Variants in FGF1 observed in about 807,000 individuals in gnomAD.
FGF1 encodes beta-endothelial cell growth factor.
Under a neutral mutation model 13.4 loss-of-function variants are expected in FGF1, and 9 were observed. The observed-to-expected ratio is 0.67, with a 90% CI of 0.40 to 1.17. The LOEUF (loss-of-function observed/expected upper bound fraction) is 1.17. FGF1 is among the 50% of genes most tolerant of loss of function. FGF1 has a pLI of 0.01. For synonymous variants in FGF1, 93 were observed against 79.0 expected (o/e 1.18, Z -0.94); for missense variants, 156 against 192.7 (o/e 0.81, Z 1.13).
chr5:142,629,877 TTATA>T (rs1554082564), intron 1 of FGF1, among the ~76,000 whole-genome samples: 7 of 137,564 alleles, frequency 5.1e-5, no homozygotes, highest in African/African-American at 1.3e-4. Flanking sequence ...TACATATATA[TTATA>T]TATATATATA....
intron 1 of FGF1, among the ~76,000 whole-genome samples, chr5:142,651,319 C>A (rs1025892284): frequency 6.6e-6 from 1 of 152,098 alleles, no homozygotes; most frequent in Non-Finnish European, 1.5e-5. Flanking sequence ...GGTTGCTTAA[C>A]CTTTTTACCT....
chr5:142,648,807 G>A (rs528199482), intron 1 of FGF1, among the ~76,000 whole-genome samples: 1 of 152,126 alleles, frequency 6.6e-6, no homozygotes, highest in African/African-American at 2.4e-5. Context: ...CAGGGAAAGG[G>A]ACTGAACGGT....
intron 1 of FGF1, among the ~76,000 whole-genome samples, chr5:142,622,443 T>G (rs1211060617): frequency 6.6e-6 from 1 of 152,242 alleles, no homozygotes; most frequent in East Asian, 1.9e-4. Flanking sequence ...AGTCTAAATG[T>G]ATTTTAATTG....
At chr5:142,694,419 C>T (rs560418916) in intron 2 of FGF1, among the ~76,000 whole-genome samples, 1 of 152,216 alleles carries the variant, frequency 6.6e-6, no homozygotes, top group African/African-American at 2.4e-5. Flanking sequence ...AGATATGAAG[C>T]CATATGAATA....
intron 1 of FGF1, among the ~76,000 whole-genome samples, chr5:142,661,216 T>C (rs1170458554): frequency 6.6e-6 from 1 of 152,216 alleles, no homozygotes; most frequent in African/African-American, 2.4e-5. Flanking sequence ...ACAAACATGA[T>C]GCAGATGTTC....
intron 1 of FGF1, among the ~76,000 whole-genome samples, chr5:142,645,448 G>A (rs1279331216): frequency 1.3e-5 from 2 of 152,112 alleles, no homozygotes; most frequent in African/African-American, 2.4e-5. Flanking sequence ...TGAGAACCTG[G>A]GCTTTGGCAT....
Position 142,593,977 on chromosome 5 carries a change from T to G in FGF1, c.*1313A>C, listed in dbSNP as rs1003315301. On this transcript the variant is annotated 3_prime_UTR_variant, in exon 4 of 4. Coordinates refer to ENST00000337706, the MANE Select transcript of FGF1 (RefSeq NM_000800.5). Reference sequence around the variant, plus strand: ...GCTGTTGGTAAGGGTTTAACATTTTTGAAGTATGTTTTTGTATATCTTCGA... The same window carrying G: ...GCTGTTGGTAAGGGTTTAACATTTTGGAAGTATGTTTTTGTATATCTTCGA... 1.3e-5 allele frequency: 2 copies of G among 152,654 alleles called. No homozygotes were observed. Among genetic ancestry groups the G allele is most frequent in the African/African-American group, 4.8e-5 (2 of 41,456 alleles). 9.5% of individuals were successfully genotyped at this position (152,654 alleles called of 1,614,324 possible).
chr5:142,619,235 T>G (rs1192070519), intron 1 of FGF1, among the ~76,000 whole-genome samples: 1 of 152,112 alleles, frequency 6.6e-6, no homozygotes, highest in African/African-American at 2.4e-5. Flanking sequence ...CGCCCAGCCT[T>G]TAGTTTTGTT....
At position 142,637,683 on chromosome 5, in the gene FGF1, C is replaced by A. The variant is rs1298998163; in HGVS notation, c.-34-23522G>T. ...CAGAGCTCCCTCATTGCCTGCCATG[C>A]AGCCTGGGCATCCAGGACTGTCGTC... On this transcript the variant is annotated intron_variant, in intron 1 of 3. Transcript: ENST00000337706. Among the ~76,000 whole-genome samples the A allele has an allele frequency of 3.3e-5, 5 of 152,062 alleles. 1 individual carries two copies. The highest frequency in any genetic ancestry group is 1.3e-4 in the Admixed American group (2 of 15,280).
At chr5:142,618,926 TTTG>T (rs1345639421) in intron 1 of FGF1, among the ~76,000 whole-genome samples, 880 of 86,940 alleles carry the variant, frequency 0.01, 9 homozygotes, top group Middle Eastern at 0.014. Context: ...TTTTAGTTGT[TTTG>T]TTTTTTTTTT....
intron 1 of FGF1, among the ~76,000 whole-genome samples, chr5:142,649,400 G>A (rs188964133): frequency 6.6e-6 from 1 of 150,592 alleles, no homozygotes; most frequent in South Asian, 2.1e-4. Context: ...ATAATCTCTA[G>A]GGGTGGACAT....
chr5:142,671,442 C>T (rs1236144098), intron 1 of FGF1, among the ~76,000 whole-genome samples: 1 of 152,176 alleles, frequency 6.6e-6, no homozygotes, highest in Admixed American at 6.6e-5. Flanking sequence ...GACAGACAAT[C>T]GTAAAACACA....
At chr5:142,617,486 T>C (rs1561566110) in intron 1 of FGF1, among the ~76,000 whole-genome samples, 1 of 152,074 alleles carries the variant, frequency 6.6e-6, no homozygotes, top group Non-Finnish European at 1.5e-5. Context: ...GCCCAGCAGG[T>C]CCTCAGGGGC....
chr5:142,625,629 T>G (rs1762334811), intron 1 of FGF1, among the ~76,000 whole-genome samples: 1 of 152,208 alleles, frequency 6.6e-6, no homozygotes, highest in Non-Finnish European at 1.5e-5. Context: ...CCTGAAGACC[T>G]GCACACATCT....
chr5:142,691,043 G>A (rs897198761), upstream of FGF1, among the ~76,000 whole-genome samples: 4 of 152,120 alleles, frequency 2.6e-5, no homozygotes, highest in Non-Finnish European at 4.4e-5. Context: ...TTCTAAATCA[G>A]CCCCTTATCA....
upstream of FGF1, among the ~76,000 whole-genome samples, chr5:142,690,411 C>A (rs1597482513): frequency 2.0e-5 from 3 of 152,150 alleles, no homozygotes; most frequent in African/African-American, 7.2e-5. Flanking sequence ...GATAACACTG[C>A]ACTAAGAGGT....
At chr5:142,666,775 A>AT (rs375629177) in intron 1 of FGF1, among the ~76,000 whole-genome samples, 152 of 149,098 alleles carry the variant, frequency 1.0e-3, no homozygotes, top group African/African-American at 2.8e-3. Flanking sequence ...TTATCTCTAC[A>AT]TTTTTTTTTT....
chr5:142,653,162 T>C (rs1767555334), intron 1 of FGF1, among the ~76,000 whole-genome samples: 1 of 152,102 alleles, frequency 6.6e-6, no homozygotes, highest in South Asian at 2.1e-4. Context: ...GAGACCTCTG[T>C]GGAGCTGTGC....
chr5:142,600,884 C>G, intron 2 of FGF1, 79 bp from the exon 3 acceptor site: 2 of 1,030,424 alleles, frequency 1.9e-6, no homozygotes, highest in East Asian at 2.4e-5. Context: ...GGACAGTTGG[C>G]CATGGAAAAT....
Sources: allele counts gnomAD v4.1 joint callset (sites outside exome capture counted in the v4.1 genomes callset), GRCh38; gene constraint gnomAD v4.1.1; transcripts MANE v1.5; gene names NCBI Gene and HGNC (gene_info 2026-07-23, HGNC 2026-07-21).